SAMHD1: variants seen among roughly 807,000 people sequenced by gnomAD.
The protein encoded by SAMHD1 is SAM and HD domain containing deoxynucleoside triphosphate triphosphohydrolase 1, also known as deoxynucleoside triphosphate triphosphohydrolase SAMHD1.
A neutral mutation model predicts 79.6 loss-of-function variants in SAMHD1; 54 were observed. The observed-to-expected ratio is 0.68, with a 90% CI of 0.55 to 0.85. The LOEUF (loss-of-function observed/expected upper bound fraction) is 0.85, where lower values mean the gene tolerates loss of function less well. Ranked by LOEUF, SAMHD1 falls within the 40% of genes least tolerant of loss-of-function variation. The pLI is 0.00. For synonymous variants in SAMHD1, 260 were observed against 264.1 expected (o/e 0.98, Z 0.15); for missense variants, 663 against 782.7 (o/e 0.85, Z 1.82).
At chr20:36,946,582 T>C in intron 2 of SAMHD1, 156 bp downstream of exon 2, 1 of 618,548 alleles carries the variant, frequency 1.6e-6, no homozygotes, top group South Asian at 1.9e-5. Flanking sequence ...AAAAAACAAA[T>C]GAACAAACAA....
At chr20:36,946,672 GC>G in intron 2 of SAMHD1, 65 bp downstream of exon 2, 1 of 1,251,314 alleles carries the variant, frequency 8.0e-7, no homozygotes, top group African/African-American at 1.5e-5. Flanking sequence ...GAGATTTTGG[GC>G]TTTGTCCCTG....
intron 6 of SAMHD1, among the ~76,000 whole-genome samples, chr20:36,923,564 T>A (rs929227437): frequency 3.3e-5 from 5 of 152,152 alleles, no homozygotes; most frequent in African/African-American, 7.2e-5. Context: ...CAGACCATAA[T>A]AACAACTAAA....
At chr20:36,905,913 C>T (rs979200134) in intron 11 of SAMHD1, among the ~76,000 whole-genome samples, 3 of 150,982 alleles carry the variant, frequency 2.0e-5, no homozygotes, top group African/African-American at 4.9e-5. Context: ...GTGGAGGTTA[C>T]GGTGAGCCAA....
intron 11 of SAMHD1, among the ~76,000 whole-genome samples, chr20:36,905,736 C>T (rs1191469724): frequency 2.6e-5 from 4 of 151,996 alleles, no homozygotes; most frequent in Non-Finnish European, 4.4e-5. Context: ...TCTGAGAGGC[C>T]GAGGCGGGCG....
At chr20:36,941,724 C>A (rs2063645196) in intron 2 of SAMHD1, among the ~76,000 whole-genome samples, 1 of 151,980 alleles carries the variant, frequency 6.6e-6, no homozygotes, top group African/African-American at 2.4e-5. Context: ...AAGGGTTTTA[C>A]TGATCTACTA....
At chr20:36,936,378 A>G (rs1328556387) in intron 3 of SAMHD1, among the ~76,000 whole-genome samples, 4 of 152,096 alleles carry the variant, frequency 2.6e-5, no homozygotes, top group East Asian at 3.9e-4. Flanking sequence ...GGCTATTCAC[A>G]GGCACAATCA....
chr20:36,921,413 C>G (rs867698778), intron 6 of SAMHD1, among the ~76,000 whole-genome samples: 1 of 71,762 alleles, frequency 1.4e-5, no homozygotes. Context: ...AAAAAAAAAA[C>G]GAATTGAATC....
chr20:36,942,772 G>A (rs538034794), intron 2 of SAMHD1, among the ~76,000 whole-genome samples: 117 of 151,846 alleles, frequency 7.7e-4, no homozygotes, highest in Non-Finnish European at 1.3e-3. Flanking sequence ...TCAGCCTCCC[G>A]AGTAGCTGGG....
chr20:36,949,806 T>C lies in SAMHD1; in HGVS notation c.208+1630A>G, dbSNP rs78562815. Among the ~76,000 whole-genome samples the C allele has an allele frequency of 6.4e-3, 967 of 151,008 alleles. 10 individuals carry two copies. Among genetic ancestry groups the C allele is most frequent in the African/African-American group, 0.02 (806 of 41,100 alleles). ...AATCCAACAGAAAAAGGGTCTTCTT[T>C]TATATGATAAAGGACGGGCAAGCAG... On this transcript the variant is annotated intron_variant, in intron 1 of 15. Transcript: ENST00000646673.
chr20:36,894,144 A>C (rs967227401), intron 15 of SAMHD1: 7 of 393,706 alleles, frequency 1.8e-5, no homozygotes, highest in African/African-American at 1.2e-4. Context: ...AGCTCTGCCA[A>C]AACTTTTGTA....
At chr20:36,919,314 G>A (rs2063492277) in intron 7 of SAMHD1, 50 bp downstream of exon 7, 1 of 1,555,796 alleles carries the variant, frequency 6.4e-7, no homozygotes, top group Non-Finnish European at 8.9e-7. Context: ...TCATGAAAAG[G>A]CTAGATGAAA....
Position 36,892,872 on chromosome 20 carries a change from T to C in SAMHD1, c.*60A>G, listed in dbSNP as rs45595032. The C allele has an allele frequency of 5.4e-3, 8,697 of 1,600,802 alleles. 39 individuals carry two copies. The highest frequency in any genetic ancestry group is 6.2e-3 in the Non-Finnish European group (7,249 of 1,167,890). On this transcript the variant is annotated 3_prime_UTR_variant, in exon 16 of 16. Transcript: ENST00000646673. ...GTCATTAATTTGCAGAATTCTATGA[T>C]TGAAGCCTCTAAATGAATTGTGCAG...
At chr20:36,900,523 G>A (rs1990283895) in intron 13 of SAMHD1, among the ~76,000 whole-genome samples, 1 of 151,944 alleles carries the variant, frequency 6.6e-6, no homozygotes, top group Admixed American at 6.6e-5. Context: ...TGGGATTACA[G>A]GCATGAGCCA....
intron 4 of SAMHD1, chr20:36,934,589 T>C (rs2146136770): frequency 6.5e-6 from 1 of 153,324 alleles, no homozygotes; most frequent in South Asian, 2.0e-4. Context: ...ATCATCATTT[T>C]GTAAAACTAT....
intron 13 of SAMHD1, 103 bp downstream of exon 13, chr20:36,904,054 T>C: frequency 5.9e-6 from 5 of 848,568 alleles, no homozygotes; most frequent in African/African-American, 1.7e-5. Flanking sequence ...CATCTTTCTG[T>C]ATTTTTCTAA....
chr20:36,921,163 G>C (rs1473544156), intron 6 of SAMHD1, among the ~76,000 whole-genome samples: 1 of 151,944 alleles, frequency 6.6e-6, no homozygotes. Flanking sequence ...AGGAGGCGGA[G>C]GCAGGCAGAT....
chr20:36,911,229 G>C lies in SAMHD1; in HGVS notation c.1259C>G (p.Thr420Ser), dbSNP rs1233436073. The C allele has an allele frequency of 6.2e-7, 1 of 1,610,582 alleles. No homozygotes were observed. The highest frequency in any genetic ancestry group is 8.5e-7 in the Non-Finnish European group (1 of 1,177,384). Residue 420 changes from threonine (T) to serine (S), a missense_variant, in exon 11 of 16, where the codon ACT (threonine) becomes AGT (serine). Physicochemically the swap from Thr to Ser is moderately conservative, Grantham distance 58. Transcript: ENST00000646673. ...CTGTTACTTCTTACCTGTCAGCTTAGTATAGGCTTCCATGTCGTCAATTGC... is the reference window on the plus strand; with the variant it reads ...CTGTTACTTCTTACCTGTCAGCTTACTATAGGCTTCCATGTCGTCAATTGC... ...STAIDDMEAY[T>S]KLTDNIFLEI...
intron 11 of SAMHD1, among the ~76,000 whole-genome samples, chr20:36,907,150 G>A (rs1361197863): frequency 6.6e-6 from 1 of 151,620 alleles, no homozygotes; most frequent in African/African-American, 2.4e-5. Flanking sequence ...GAAGTGCAGT[G>A]GCGCGATCAT....
chr20:36,927,219 C>A lies in SAMHD1; in HGVS notation c.659G>T (p.Arg220Leu), dbSNP rs745608353. The A allele has an allele frequency of 6.2e-7, 1 of 1,613,600 alleles. No homozygotes were observed. The highest frequency in any genetic ancestry group is 8.5e-7 in the Non-Finnish European group (1 of 1,179,880). Residue 220 changes from arginine (R) to leucine (L), a missense_variant, in exon 6 of 16, where the codon CGA (arginine) becomes CTA (leucine). Arg to Leu is a moderately radical substitution (Grantham distance 102). Transcript: ENST00000646673. ...CTCCGGGCGAGCAAGTGGAATAAAT[C>A]GTCCATCAAACATGTGAGAAAATGG... ...HGPFSHMFDG[R>L]FIPLARPEVK...
Sources: gnomAD v4.1 joint callset for allele counts (sites outside exome capture counted in the v4.1 genomes callset) on GRCh38, gnomAD v4.1.1 for gene constraint, MANE v1.5 for transcripts, NCBI Gene and HGNC (gene_info 2026-07-23, HGNC 2026-07-21) for gene names.